The following DENND4C variants were observed in gnomAD, a reference collection of about 807,000 sequenced individuals.
The protein encoded by DENND4C is DENN domain-containing protein 4C.
Under a neutral mutation model 203.0 loss-of-function variants are expected in DENND4C, and 108 were observed. The observed-to-expected ratio is 0.53, with a 90% CI of 0.46 to 0.62. The LOEUF (loss-of-function observed/expected upper bound fraction) is 0.62, where lower values mean the gene tolerates loss of function less well. Among genes scored for constraint, DENND4C ranks in the 20% least tolerant of loss-of-function variants. The pLI, the probability that DENND4C is intolerant of heterozygous loss-of-function variation, is 0.00. For missense variants in DENND4C, 2,481 were observed against 2,301.2 expected (o/e 1.08, Z -1.60); for synonymous variants, 871 against 792.4 (o/e 1.10, Z -1.67).
chr9:19,300,759 T>G (rs1178674238), intron 9 of DENND4C, among the ~76,000 whole-genome samples: 1 of 152,228 alleles, frequency 6.6e-6, no homozygotes, highest in Admixed American at 6.5e-5. Context: ...TCTAAGTGAT[T>G]GTGAAATAGG....
At chr9:19,356,798 A>C (rs951029955) in intron 26 of DENND4C, among the ~76,000 whole-genome samples, 174 bp from the exon 27 acceptor site, 1 of 151,244 alleles carries the variant, frequency 6.6e-6, no homozygotes, top group East Asian at 1.9e-4. Flanking sequence ...TGAGAGAGAG[A>C]GAGAGAGAGA....
intron 1 of DENND4C, among the ~76,000 whole-genome samples, chr9:19,260,362 A>G (rs183970196): frequency 2.2e-5 from 2 of 91,534 alleles, no homozygotes; most frequent in Non-Finnish European, 2.4e-5. Flanking sequence ...TGATGTCCTT[A>G]TATGTTCTGG....
At chr9:19,361,811 T>C in intron 29 of DENND4C, 35 bp from the exon 30 acceptor site, 1 of 1,274,420 alleles carries the variant, frequency 7.8e-7, no homozygotes, top group South Asian at 1.2e-5. Flanking sequence ...ATTGTTATTC[T>C]CGGGATACTA....
Position 19,346,024 on chromosome 9 carries a change from A to G in DENND4C, c.3255A>G (p.Arg1085=). ...LKKNGDRGEK[R]QKHFPERSCS... is the part of the protein sequence containing the mutation. ...AGAATGGTGATAGAGGAGAAAAAAG[A>G]CAAAAGCATTTTCCTGAGAGGAGTT... Residue 1085 remains arginine (R), a synonymous_variant, in exon 23 of 33, where the codon AGA becomes AGG. Transcript: ENST00000434457. The G allele has an allele frequency of 6.2e-7, 1 of 1,614,166 alleles. No individual in the cohort carries two copies.
In DENND4C at chr9:19,346,467, G is replaced by A; in HGVS notation, c.3698G>A (p.Ser1233Asn). 2.5e-6 allele frequency: 4 copies of A among 1,614,160 alleles called. No homozygotes were observed. The highest frequency in any genetic ancestry group is 1.7e-6 in the Non-Finnish European group (2 of 1,180,024). ...AAAGATCTGAGGAATAAGAGAAGTA[G>A]TTTATATGGTATTGCTAAGGTGGTT... Reference protein sequence around the residue: ...VSKDLRNKRSSLYGIAKVVQR... With the variant: ...VSKDLRNKRSNLYGIAKVVQR... Residue 1233 changes from serine (S) to asparagine (N), a missense_variant, in exon 23 of 33, where the codon AGT becomes AAT. This residue lies in a region of DENND4C where 2,289 missense variants were observed against 2,113.3 expected (regional missense o/e 1.08). Coordinates refer to ENST00000434457, the MANE Select transcript of DENND4C (RefSeq NM_001330640.2).
At chr9:19,245,958 AT>A (rs33987143) in intron 1 of DENND4C, among the ~76,000 whole-genome samples, 132,160 of 151,260 alleles carry the variant, frequency 0.87, 57,776 homozygotes, top group Admixed American at 0.91. Context: ...TTGGAATCCA[AT>A]TTTTTTTTTA....
At chr9:19,360,881 A>AT (rs1826328911) in intron 29 of DENND4C, among the ~76,000 whole-genome samples, 1 of 152,274 alleles carries the variant, frequency 6.6e-6, no homozygotes, top group African/African-American at 2.4e-5. Context: ...TTATTAGGTC[A>AT]TATCTGTCTG....
chr9:19,341,951 C>A (rs1484306302), intron 21 of DENND4C, among the ~76,000 whole-genome samples: 1 of 151,902 alleles, frequency 6.6e-6, no homozygotes, highest in Non-Finnish European at 1.5e-5. Context: ...GGCGAAACCC[C>A]GTCTCTACTA....
At chr9:19,345,362 G>A (rs1231894093) in intron 22 of DENND4C, among the ~76,000 whole-genome samples, 1 of 152,174 alleles carries the variant, frequency 6.6e-6, no homozygotes, top group Non-Finnish European at 1.5e-5. Flanking sequence ...GTGGCTACTA[G>A]TAGACGTTTA....
chr9:19,292,992 A>G (rs570876564), intron 5 of DENND4C, among the ~76,000 whole-genome samples: 14 of 152,362 alleles, frequency 9.2e-5, no homozygotes, highest in African/African-American at 3.1e-4. Flanking sequence ...TGTGATAAAG[A>G]TAATATATGT....
At chr9:19,299,317 T>C (rs1838082433) in intron 8 of DENND4C, 30 bp downstream of exon 8, 1 of 1,449,670 alleles carries the variant, frequency 6.9e-7, no homozygotes, top group Non-Finnish European at 9.4e-7. Flanking sequence ...ATGATATATT[T>C]ATTCAGTTGG....
At chr9:19,289,265 T>G (rs1006350798) in intron 4 of DENND4C, among the ~76,000 whole-genome samples, 3 of 152,172 alleles carry the variant, frequency 2.0e-5, no homozygotes, top group African/African-American at 4.8e-5. Context: ...TCCACTGGTA[T>G]GGTGGGATAA....
chr9:19,351,986 T>A lies in DENND4C; in HGVS notation c.4496-87T>A. The A allele has an allele frequency of 2.9e-6, 3 of 1,041,888 alleles. No homozygotes were observed. The South Asian group carries it at 4.2e-5, about 14-fold the overall frequency. The allele number at this position is 1,041,888 out of a possible 1,614,324, so 64.5% of individuals were successfully genotyped here. On this transcript the variant is annotated intron_variant, in intron 24 of 32. Transcript: ENST00000434457. The stretch of plus-strand genomic sequence containing the variant: ...TGAAAAACAGTTGCAGACTTTATTC[T>A]GTGTCCCCCCTAAATACTTTGGCAT...
chr9:19,271,694 C>A (rs570652471), intron 1 of DENND4C, among the ~76,000 whole-genome samples: 21 of 151,846 alleles, frequency 1.4e-4, no homozygotes, highest in African/African-American at 5.1e-4. Context: ...TGGAGAAACC[C>A]CGTCTCTACT....
At chr9:19,278,243 C>G (rs1052789051) in intron 2 of DENND4C, among the ~76,000 whole-genome samples, 1 of 152,022 alleles carries the variant, frequency 6.6e-6, no homozygotes, top group Non-Finnish European at 1.5e-5. Context: ...TCAAGTGATT[C>G]TCCTGCCTCA....
At chr9:19,289,432 G>A (rs1564122848) in intron 4 of DENND4C, among the ~76,000 whole-genome samples, 3 of 152,080 alleles carry the variant, frequency 2.0e-5, no homozygotes, top group South Asian at 2.1e-4. Flanking sequence ...CCAAAAAATC[G>A]TGATTTTCAT....
At chr9:19,260,058 A>G (rs950438115) in intron 1 of DENND4C, among the ~76,000 whole-genome samples, 7 of 152,142 alleles carry the variant, frequency 4.6e-5, no homozygotes, top group Admixed American at 4.6e-4. Flanking sequence ...CATAGTTACC[A>G]TACTAGTTTG....
intron 26 of DENND4C, among the ~76,000 whole-genome samples, chr9:19,354,540 T>C (rs1451620348): frequency 6.1e-5 from 9 of 148,640 alleles, no homozygotes; most frequent in African/African-American, 2.2e-4. Context: ...CATTACTTGT[T>C]ATTCTAGCCT....
chr9:19,345,954 A>G lies in DENND4C; in HGVS notation c.3185A>G (p.Asp1062Gly). 9 of 1,613,744 alleles carry G rather than the reference A, an allele frequency of 5.6e-6. No individual in the cohort carries two copies. The highest frequency in any genetic ancestry group is 7.6e-6 in the Non-Finnish European group (9 of 1,179,960). The change falls in exon 23 of 33, where the codon GAT becomes GGT. Residue 1062 changes from aspartate to glycine, a missense_variant. Asp to Gly is a moderately conservative substitution (Grantham distance 94). Coordinates refer to ENST00000434457, the MANE Select transcript of DENND4C (RefSeq NM_001330640.2). ...SISNVLFSTQ[D>G]PVEDAVFGEA... ...TCAAATGTGCTGTTTTCTACTCAAG[A>G]TCCAGTTGAAGATGCAGTCTTTGGC...
Sources: gnomAD v4.1 joint callset for allele counts (sites outside exome capture counted in the v4.1 genomes callset) on GRCh38, gnomAD v4.1.1 for gene constraint, gnomAD v4.1.1 regional missense constraint, MANE v1.5 for transcripts, NCBI Gene and HGNC (gene_info 2026-07-23, HGNC 2026-07-21) for gene names.